Variants in RABL3 observed in about 807,000 individuals in gnomAD.
RABL3 encodes RAB, member of RAS oncogene family like 3.
In RABL3, 31 loss-of-function variants were observed where a neutral mutation model predicts 31.8. That is an observed-to-expected ratio of 0.97 (90% CI 0.73 to 1.31). The LOEUF is 1.31. Ranked by LOEUF, RABL3 falls within the 40% of genes most tolerant of loss-of-function variation. The pLI is 0.00. For missense variants in RABL3, 263 were observed against 279.6 expected (o/e 0.94, Z 0.42); for synonymous variants, 97 against 99.9 (o/e 0.97, Z 0.18).
intron 2 of RABL3, among the ~76,000 whole-genome samples, chr3:120,727,597 A>G (rs1708837368): frequency 6.6e-6 from 1 of 152,158 alleles, no homozygotes; most frequent in Non-Finnish European, 1.5e-5. Flanking sequence ...AACTTATTTT[A>G]TAAGGTTAGC....
chr3:120,713,894 T>C (rs1309231880), intron 2 of RABL3, among the ~76,000 whole-genome samples: 1 of 143,522 alleles, frequency 7.0e-6, no homozygotes, highest in Non-Finnish European at 1.5e-5. Context: ...CACTGCAACC[T>C]CCGCCTCCCT....
intron 1 of RABL3, among the ~76,000 whole-genome samples, chr3:120,737,433 T>C (rs769088632): frequency 2.6e-5 from 4 of 152,256 alleles, no homozygotes; most frequent in Non-Finnish European, 5.9e-5. Context: ...GCTAATCTTT[T>C]TTCAAGGTTT....
chr3:120,697,794 A>C (rs1237868033), intron 5 of RABL3, among the ~76,000 whole-genome samples: 1 of 152,250 alleles, frequency 6.6e-6, no homozygotes, highest in African/African-American at 2.4e-5. Context: ...GCTTTTTAAA[A>C]GCAAGAATAA....
At chr3:120,703,896 G>GA (rs1260294710) in intron 4 of RABL3, among the ~76,000 whole-genome samples, 2 of 152,122 alleles carry the variant, frequency 1.3e-5, no homozygotes, top group African/African-American at 4.8e-5. Flanking sequence ...AATTACTAAA[G>GA]AAGTTGACTT....
At chr3:120,715,876 T>C (rs1487387448) in intron 2 of RABL3, among the ~76,000 whole-genome samples, 1 of 152,162 alleles carries the variant, frequency 6.6e-6, no homozygotes, top group Admixed American at 6.5e-5. Flanking sequence ...AGTCATGTAG[T>C]GCCTCTGTGC....
At chr3:120,721,350 T>A (rs947731816) in intron 2 of RABL3, among the ~76,000 whole-genome samples, 3 of 152,154 alleles carry the variant, frequency 2.0e-5, no homozygotes, top group African/African-American at 7.2e-5. Flanking sequence ...AACCTTAAAT[T>A]GTAAGTGGGC....
intron 1 of RABL3, among the ~76,000 whole-genome samples, chr3:120,733,082 A>C (rs1708907021): frequency 6.6e-6 from 1 of 152,144 alleles, no homozygotes; most frequent in Non-Finnish European, 1.5e-5. Flanking sequence ...ATACCCAGTA[A>C]CGGGATGGCC....
chr3:120,697,254 A>G (rs1708447279), intron 5 of RABL3, among the ~76,000 whole-genome samples: 1 of 152,266 alleles, frequency 6.6e-6, no homozygotes, highest in African/African-American at 2.4e-5. Flanking sequence ...TGTAGAGCAC[A>G]GGCTCTGAAT....
chr3:120,687,668 T>C lies in RABL3; in HGVS notation c.*2155A>G, dbSNP rs553700274. 3 of 152,266 alleles carry C rather than the reference T, an allele frequency of 2.0e-5. No individual in the cohort carries two copies. The highest frequency in any genetic ancestry group is 2.1e-4 in the South Asian group (1 of 4,828). 9.4% of individuals were successfully genotyped at this position (152,266 alleles called of 1,614,324 possible). A position where few individuals can be genotyped will look rare whatever the true frequency, so the allele number is the denominator to read the frequency against. ...TAAAAACTATTTTTTCTTAGAAAAC[T>C]ATAATTCAAGGAATCAAGCTTGGCT... On this transcript the variant is annotated 3_prime_UTR_variant, in exon 8 of 8. Transcript: ENST00000273375.
chr3:120,706,855 TAAC>T (rs1292733297), intron 3 of RABL3, among the ~76,000 whole-genome samples: 2 of 151,664 alleles, frequency 1.3e-5, no homozygotes, highest in Non-Finnish European at 2.9e-5. Flanking sequence ...TTGAGAAAAA[TAAC>T]AAAATGTAAC....
intron 2 of RABL3, among the ~76,000 whole-genome samples, chr3:120,724,519 C>A (rs1228473692): frequency 6.6e-6 from 1 of 152,216 alleles, no homozygotes; most frequent in Non-Finnish European, 1.5e-5. Context: ...AAGGACAAAG[C>A]TGGAGGCATC....
At chr3:120,728,719 G>GA (rs369461884) in intron 2 of RABL3, among the ~76,000 whole-genome samples, 11 of 149,228 alleles carry the variant, frequency 7.4e-5, no homozygotes, top group East Asian at 3.9e-4. Flanking sequence ...AAACAAAAAA[G>GA]AAAAAAAAAT....
chr3:120,721,431 C>T (rs1040491507), intron 2 of RABL3, among the ~76,000 whole-genome samples: 2 of 152,026 alleles, frequency 1.3e-5, no homozygotes, highest in African/African-American at 2.4e-5. Context: ...TTCAGGAAAC[C>T]CATCTCATGT....
intron 1 of RABL3, among the ~76,000 whole-genome samples, chr3:120,734,776 A>T (rs1395290816): frequency 1.3e-5 from 2 of 151,916 alleles, no homozygotes; most frequent in Admixed American, 1.3e-4. Context: ...TTTGTCAAAG[A>T]CCTTTTCTGC....
rs983653357 is a variant in RABL3 at position 120,686,605 on chromosome 3, C to T, written c.*3218G>A. On this transcript the variant is annotated 3_prime_UTR_variant, in exon 8 of 8. Coordinates refer to ENST00000273375, the MANE Select transcript of RABL3 (RefSeq NM_173825.5). ...CTTTTGGGAATAGCTTTTCTTAGAGCACTGTAGCGGAGAAGAGCTTTCTTT... is the reference window on the plus strand; with the variant it reads ...CTTTTGGGAATAGCTTTTCTTAGAGTACTGTAGCGGAGAAGAGCTTTCTTT... 6.6e-6 allele frequency: 1 copy of T among 152,164 alleles called. No homozygotes were observed. The highest frequency in any genetic ancestry group is 1.5e-5 in the Non-Finnish European group (1 of 68,028). 9.4% of individuals were successfully genotyped at this position (152,164 alleles called of 1,614,324 possible).
chr3:120,739,640 CT>C (rs201696390), intron 1 of RABL3, among the ~76,000 whole-genome samples: 1,671 of 152,048 alleles, frequency 0.011, 30 homozygotes, highest in African/African-American at 0.039. Flanking sequence ...CCTTTTATTA[CT>C]TTTTTTATAT....
chr3:120,710,310 A>G (rs1259779595), intron 2 of RABL3: 1 of 154,290 alleles, frequency 6.5e-6, no homozygotes, highest in Non-Finnish European at 1.4e-5. Context: ...TACGCATTCA[A>G]GATGAATGGA....
At chr3:120,694,971 T>G (rs1350397018) in intron 5 of RABL3, among the ~76,000 whole-genome samples, 2 of 151,778 alleles carry the variant, frequency 1.3e-5, no homozygotes, top group Non-Finnish European at 2.9e-5. Flanking sequence ...GTTTTTTTTT[T>G]TTTTTGCTTG....
intron 2 of RABL3, among the ~76,000 whole-genome samples, chr3:120,714,561 C>A (rs1708646735): frequency 6.6e-6 from 1 of 152,172 alleles, no homozygotes. Flanking sequence ...CCCATTCACT[C>A]TTTTATTTAA....
Sources: allele counts gnomAD v4.1 joint callset (sites outside exome capture counted in the v4.1 genomes callset), GRCh38; gene constraint gnomAD v4.1.1; transcripts MANE v1.5; gene names NCBI Gene and HGNC (gene_info 2026-07-23, HGNC 2026-07-21).